The following PTK6 variants were observed in gnomAD, a reference collection of about 807,000 sequenced individuals.
PTK6 encodes protein tyrosine kinase 6.
Under a neutral mutation model 47.5 loss-of-function variants are expected in PTK6, and 47 were observed. The ratio of observed to expected loss-of-function variants is 0.99; its 90% CI spans 0.78 to 1.26. PTK6 has a LOEUF of 1.26. Ranked by LOEUF, PTK6 falls within the 50% of genes most tolerant of loss-of-function variation. The pLI is 0.00. For missense variants in PTK6, 618 were observed against 625.3 expected (o/e 0.99, Z 0.12); for synonymous variants, 287 against 276.5 (o/e 1.04, Z -0.38).
chr20:63,529,404 A>G lies in PTK6; in HGVS notation c.*132T>C, dbSNP rs768802016. The G allele has an allele frequency of 5.0e-5, 51 of 1,023,938 alleles. No homozygotes were observed. The highest frequency in any genetic ancestry group is 6.8e-5 in the Non-Finnish European group (50 of 734,282). The allele number at this position is 1,023,938 out of a possible 1,614,324, so 63.4% of individuals were successfully genotyped here. On this transcript the variant is annotated 3_prime_UTR_variant, in exon 8 of 8. Coordinates refer to ENST00000542869, the MANE Select transcript of PTK6 (RefSeq NM_005975.4). This position sits in a 1 kb window ranked among gnomAD's most constrained non-coding sequence, Gnocchi z 5.6. ...CGCGTGTATTGGACGCAGACACTCC[A>G]CATTTGTGAACCTTTCCTGCACCCA...
In PTK6 at chr20:63,530,053, C is replaced by CA. The variant is rs1190291933; in HGVS notation, c.1168+24dup. On this transcript the variant is annotated intron_variant, in intron 7 of 7. Coordinates refer to ENST00000542869, the MANE Select transcript of PTK6 (RefSeq NM_005975.4). The surrounding 1 kb of genome is among the most constrained non-coding windows in gnomAD (Gnocchi z 4.1). ...CCTCCCCCACTCTGCCTCTCATGCC[C>CA]AGTCAGGGACAGTGGGGACAGTACC... 1 of 1,612,208 alleles carries CA rather than the reference C, an allele frequency of 6.2e-7. No individual in the cohort carries two copies. Among genetic ancestry groups the CA allele is most frequent in the Non-Finnish European group, 8.5e-7 (1 of 1,179,252 alleles).
chr20:63,533,526 A>G lies in PTK6; in HGVS notation c.670+25T>C. ...GCCCAGGGCAGGCACGGGGCCACAC[A>G]GAGCCCTGATCGGGGCCCACTCACC... On this transcript the variant is annotated intron_variant, in intron 4 of 7. Transcript: ENST00000542869. The surrounding 1 kb of genome is among the most constrained non-coding windows in gnomAD (Gnocchi z 4.0). 1 of 1,581,270 alleles carries G rather than the reference A, an allele frequency of 6.3e-7. No homozygotes were observed.
intron 5 of PTK6, among the ~76,000 whole-genome samples, chr20:63,531,827 C>T (rs9679804): frequency 0.13 from 19,611 of 152,156 alleles, 4,025 homozygotes; most frequent in African/African-American, 0.44. Context: ...CATTCCCTCC[C>T]GGAGGACCCT....
chr20:63,533,491 TG>T lies in PTK6; in HGVS notation c.670+59del. Reference sequence around the variant, plus strand: ...AGGCCAGAGGTCCCTGTTGGCGGGGTGGGAGGGTGGCCCAGGGCAGGCACGG... The same window carrying T: ...AGGCCAGAGGTCCCTGTTGGCGGGGTGGAGGGTGGCCCAGGGCAGGCACGG... On this transcript the variant is annotated intron_variant, in intron 4 of 7. Transcript: ENST00000542869. The surrounding 1 kb of genome is among the most constrained non-coding windows in gnomAD (Gnocchi z 4.0). 1 of 1,503,166 alleles carries T rather than the reference TG, an allele frequency of 6.7e-7. No individual in the cohort carries two copies. The highest frequency in any genetic ancestry group is 8.9e-7 in the Non-Finnish European group (1 of 1,122,042). The allele number at this position is 1,503,166 out of a possible 1,614,324, so 93.1% of individuals were successfully genotyped here. A position where few individuals can be genotyped will look rare whatever the true frequency, so the allele number is the denominator to read the frequency against.
chr20:63,532,910 G>A (rs6010957), intron 4 of PTK6, among the ~76,000 whole-genome samples: 19,736 of 152,192 alleles, frequency 0.13, 4,069 homozygotes, highest in African/African-American at 0.44. Context: ...GGGCTGTGGT[G>A]GCCACCCGAT....
In PTK6 at chr20:63,529,608, G is replaced by A. The variant is rs372955192; in HGVS notation, c.1284C>T (p.Pro428=). 552 of 1,560,580 alleles carry A rather than the reference G, an allele frequency of 3.5e-4. No homozygotes were observed. The highest frequency in any genetic ancestry group is 4.4e-4 in the Non-Finnish European group (509 of 1,152,756). The stretch of plus-strand genomic sequence containing the variant: ...GGGCCTTGAAGCAGGGTCTCTGCTC[G>A]GGGTCCCTGCACCAGCATGTCAGCA... The part of the protein sequence containing the change: ...KLMLTCWCRD[P]EQRPCFKALR... The change falls in exon 8 of 8, where the codon CCC becomes CCT. Residue 428 remains proline (P), a synonymous_variant. Transcript: ENST00000542869. This position sits in a 1 kb window ranked among gnomAD's most constrained non-coding sequence, Gnocchi z 5.6.
chr20:63,537,093 C>T lies in PTK6; in HGVS notation c.222G>A (p.Glu74=). 6.2e-7 allele frequency: 1 copy of T among 1,609,226 alleles called. No individual in the cohort carries two copies. The highest frequency in any genetic ancestry group is 8.5e-7 in the Non-Finnish European group (1 of 1,178,422). The part of the protein sequence containing the change: ...HNYLAERETV[E]SEPWFFGCIS... ...CAGCCTAGGACACGCACGGTTCCGA[C>T]TCCACCGTCTCCCTCTCGGCCAGGT... is the stretch of plus-strand genomic sequence containing the variant. Residue 74 remains glutamate (E), a synonymous_variant, in exon 1 of 8, where the codon GAG becomes GAA. Transcript: ENST00000542869.
intron 1 of PTK6, among the ~76,000 whole-genome samples, chr20:63,535,406 TCA>T (rs113658074): frequency 7.7e-5 from 11 of 142,532 alleles, no homozygotes; most frequent in South Asian, 4.2e-4. Flanking sequence ...TGACGCACGC[TCA>T]CACACACACA....
At position 63,530,371 on chromosome 20, in the gene PTK6, G is replaced by C; in HGVS notation, c.1015-140C>G. The C allele has an allele frequency of 2.6e-6, 3 of 1,134,934 alleles. No individual in the cohort carries two copies. Among genetic ancestry groups the C allele is most frequent in the East Asian group, 2.5e-5 (1 of 39,312 alleles). 70.3% of individuals were successfully genotyped at this position (1,134,934 alleles called of 1,614,324 possible). On this transcript the variant is annotated intron_variant, in intron 6 of 7. Transcript: ENST00000542869. This position sits in a 1 kb window ranked among gnomAD's most constrained non-coding sequence, Gnocchi z 4.1. ...GTCTGACCCACGCACGGCCGCTGCA[G>C]CTAAGGCCACACTGGGGCCTGACCA...
intron 1 of PTK6, among the ~76,000 whole-genome samples, chr20:63,536,701 C>T (rs1401201648): frequency 6.6e-6 from 1 of 152,186 alleles, no homozygotes; most frequent in Non-Finnish European, 1.5e-5. Flanking sequence ...CTTCGTTTCC[C>T]CCAAAGGCCC....
chr20:63,536,990 C>T, intron 1 of PTK6, 95 bp downstream of exon 1: 2 of 1,350,816 alleles, frequency 1.5e-6, no homozygotes, highest in Admixed American at 2.5e-5. Context: ...GGGTCCCCAC[C>T]TTCTTGGGCC....
chr20:63,532,550 C>G lies in PTK6; in HGVS notation c.808G>C (p.Gly270Arg). Reference sequence around the variant, plus strand: ...CCGCGGAGCAGCTCCAGCAGGCTGCCCTTGGCCATGAGCTCCGTGATGATG... The same window carrying G: ...CCGCGGAGCAGCTCCAGCAGGCTGCGCTTGGCCATGAGCTCCGTGATGATG... Reference protein sequence around the residue: ...VYIITELMAKGSLLELLRDSD... With the variant: ...VYIITELMAKRSLLELLRDSD... The change falls in exon 5 of 8, where the codon GGC becomes CGC. Residue 270 changes from glycine (G) to arginine (R), a missense_variant. Gly to Arg is a moderately radical substitution (Grantham distance 125). Transcript: ENST00000542869. The G allele has an allele frequency of 6.2e-7, 1 of 1,612,914 alleles. No homozygotes were observed. The highest frequency in any genetic ancestry group is 8.5e-7 in the Non-Finnish European group (1 of 1,179,218).
chr20:63,532,365 GTGTCTCTGTGTGTCTGTGTC>G (rs2082630804), intron 5 of PTK6, among the ~76,000 whole-genome samples, 141 bp downstream of exon 5: 1 of 141,682 alleles, frequency 7.1e-6, no homozygotes, highest in Admixed American at 6.7e-5. Context: ...CTGTGCGTGT[GTGTCTCTGTGTGTCTGTGTC>G]TGTGTCTGTG....
intron 5 of PTK6, 107 bp downstream of exon 5, chr20:63,532,419 C>CTG: frequency 7.2e-7 from 1 of 1,380,520 alleles, no homozygotes; most frequent in East Asian, 2.3e-5. Context: ...GTCTGTGTGT[C>CTG]TGTGTGTCTA....
Position 63,530,765 on chromosome 20 carries a change from C to G in PTK6, c.995G>C (p.Gly332Ala). Residue 332 changes from glycine (G) to alanine (A), a missense_variant, in exon 6 of 8, where the codon GGG becomes GCG. Gly to Ala is a moderately conservative substitution (Grantham distance 60, BLOSUM62 0). Coordinates refer to ENST00000542869, the MANE Select transcript of PTK6 (RefSeq NM_005975.4). This position sits in a 1 kb window ranked among gnomAD's most constrained non-coding sequence, Gnocchi z 4.1. The part of the protein sequence containing the change: ...ENTLCKVGDF[G>A]LARLIKEDVY... ...CCCTACCTTGATAAGCCTGGCTAAC[C>G]CGAAGTCCCCAACTTTGCAGAGGGT... 6.2e-7 allele frequency: 1 copy of G among 1,613,966 alleles called. No individual in the cohort carries two copies. Among genetic ancestry groups the G allele is most frequent in the Non-Finnish European group, 8.5e-7 (1 of 1,179,948 alleles).
chr20:63,531,432 AAAAAAATATAT>A (rs1282712047), intron 5 of PTK6, among the ~76,000 whole-genome samples: 51 of 116,834 alleles, frequency 4.4e-4, no homozygotes, highest in African/African-American at 2.0e-3. Context: ...AAAAAAAAAA[AAAAAAATATAT>A]ATATATATAT....
Position 63,534,994 on chromosome 20 carries a change from G to A in PTK6, c.296C>T (p.Thr99Met), listed in dbSNP as rs748018659. ...GCTGACCCTGATCAGGAAGGCGCCC[G>A]TGGCGTTGCCCTCGGCCTGCAGCCG... is the stretch of plus-strand genomic sequence containing the variant. ...VRRLQAEGNA[T>M]GAFLIRVSEK... is the part of the protein sequence containing the mutation. Residue 99 changes from threonine to methionine, a missense_variant, in exon 2 of 8, where the codon ACG (threonine) becomes ATG (methionine). Coordinates refer to ENST00000542869, the MANE Select transcript of PTK6 (RefSeq NM_005975.4). The A allele has an allele frequency of 1.2e-5, 20 of 1,608,606 alleles. No individual in the cohort carries two copies. Among genetic ancestry groups the A allele is most frequent in the African/African-American group, 2.7e-5 (2 of 74,866 alleles).
At chr20:63,536,307 G>A (rs558055346) in intron 1 of PTK6, among the ~76,000 whole-genome samples, 53 of 145,156 alleles carry the variant, frequency 3.7e-4, no homozygotes, top group Middle Eastern at 3.4e-3. Context: ...TAACGAGGTC[G>A]TGGGTCTGCG....
At chr20:63,535,151 G>T (rs1004216399) in intron 1 of PTK6, 92 bp from the exon 2 acceptor site, 4 of 1,447,166 alleles carry the variant, frequency 2.8e-6, no homozygotes, top group Non-Finnish European at 3.7e-6. Flanking sequence ...AACCCCAGCC[G>T]CCCTTGCCTG....
Sources: allele counts gnomAD v4.1 joint callset (sites outside exome capture counted in the v4.1 genomes callset), GRCh38; gene constraint gnomAD v4.1.1; non-coding constraint Gnocchi (gnomAD v3.1); transcripts MANE v1.5; gene names NCBI Gene and HGNC (gene_info 2026-07-23, HGNC 2026-07-21).